AGMO: variants seen among roughly 807,000 people sequenced by gnomAD.
AGMO encodes the protein alkylglycerol monooxygenase.
In AGMO, 75 loss-of-function variants were observed where a neutral mutation model predicts 60.2. The ratio of observed to expected loss-of-function variants is 1.25; its 90% CI spans 1.03 to 1.51. The LOEUF (loss-of-function observed/expected upper bound fraction) is 1.51, where lower values mean the gene tolerates loss of function less well. Ranked by LOEUF, AGMO falls within the 40% of genes most tolerant of loss-of-function variation. The pLI is 0.00. For missense variants in AGMO, 763 were observed against 525.5 expected (o/e 1.45, Z -4.42); for synonymous variants, 261 against 177.1 (o/e 1.47, Z -3.76).
At chr7:15,492,733 C>G (rs553973488) in intron 3 of AGMO, among the ~76,000 whole-genome samples, 1 of 151,962 alleles carries the variant, frequency 6.6e-6, no homozygotes, top group African/African-American at 2.4e-5. Context: ...AGATGGTATG[C>G]AATATATCCA....
At chr7:15,387,120 T>C (rs541251244) in intron 9 of AGMO, among the ~76,000 whole-genome samples, 1 of 152,178 alleles carries the variant, frequency 6.6e-6, no homozygotes, top group Non-Finnish European at 1.5e-5. Context: ...AGTTATGCCC[T>C]ACACAAAGGC....
chr7:15,483,646 C>G (rs987985423), intron 3 of AGMO, among the ~76,000 whole-genome samples: 1 of 151,862 alleles, frequency 6.6e-6, no homozygotes, highest in Admixed American at 6.6e-5. Flanking sequence ...CATGGAAAAG[C>G]CTTTTATACA....
rs1362896586 is a variant in AGMO, at chr7:15,365,475, G to A, written c.1263+39C>T. Reference sequence around the variant, plus strand: ...AATGAATAAATTAAATGTGCGATAGGTATACGCCATCCTGTGGCTACCTAA... The same window carrying A: ...AATGAATAAATTAAATGTGCGATAGATATACGCCATCCTGTGGCTACCTAA... On this transcript the variant is annotated intron_variant, in intron 12 of 12. Transcript: ENST00000342526. 4 of 1,325,336 alleles carry A rather than the reference G, an allele frequency of 3.0e-6. No individual in the cohort carries two copies. The African/African-American group carries it at 4.5e-5, about 15-fold the overall frequency. The allele number at this position is 1,325,336 out of a possible 1,614,324, so 82.1% of individuals were successfully genotyped here.
At chr7:15,355,160 A>G (rs1333035575) in intron 12 of AGMO, among the ~76,000 whole-genome samples, 4 of 152,094 alleles carry the variant, frequency 2.6e-5, no homozygotes, top group Admixed American at 1.3e-4. Flanking sequence ...AAGAATAGAG[A>G]AAAATCATCA....
intron 3 of AGMO, among the ~76,000 whole-genome samples, chr7:15,456,296 T>G (rs772256573): frequency 1.3e-5 from 2 of 152,142 alleles, no homozygotes; most frequent in Non-Finnish European, 2.9e-5. Flanking sequence ...TAAAACTATT[T>G]TTATGTTCCT....
chr7:15,453,856 C>A (rs1781921417), intron 3 of AGMO, among the ~76,000 whole-genome samples: 1 of 151,736 alleles, frequency 6.6e-6, no homozygotes, highest in Non-Finnish European at 1.5e-5. Flanking sequence ...CACAAAGTAG[C>A]CACTCTGAGT....
chr7:15,414,847 T>C (rs968668450), intron 5 of AGMO, among the ~76,000 whole-genome samples: 2 of 152,136 alleles, frequency 1.3e-5, no homozygotes, highest in African/African-American at 4.8e-5. Context: ...TACAAACATA[T>C]GTGGTCAACT....
intron 3 of AGMO, among the ~76,000 whole-genome samples, chr7:15,530,985 T>G (rs1470364358): frequency 1.7e-5 from 1 of 59,172 alleles, no homozygotes; most frequent in Non-Finnish European, 3.1e-5. Context: ...TATATGTATA[T>G]TCTATATATA....
intron 12 of AGMO, among the ~76,000 whole-genome samples, chr7:15,364,114 A>G (rs1782870022): frequency 2.0e-5 from 3 of 152,018 alleles, no homozygotes; most frequent in Admixed American, 2.0e-4. Context: ...TTCACGGTTT[A>G]AATTCACATT....
intron 12 of AGMO, among the ~76,000 whole-genome samples, chr7:15,269,648 G>A (rs1052744535): frequency 8.5e-5 from 13 of 152,048 alleles, no homozygotes; most frequent in Admixed American, 2.0e-4. Context: ...TGGTACATGT[G>A]CAAGTTTGTT....
At chr7:15,440,715 A>T (rs1781532185) in intron 3 of AGMO, among the ~76,000 whole-genome samples, 1 of 152,200 alleles carries the variant, frequency 6.6e-6, no homozygotes, top group Non-Finnish European at 1.5e-5. Context: ...GAGCTTTATT[A>T]CATGTTGCCA....
chr7:15,132,772 A>G, the AGMO span, among the ~76,000 whole-genome samples: 4 of 152,214 alleles, frequency 2.6e-5, no homozygotes, highest in African/African-American at 4.8e-5. Flanking sequence ...TAAACCATAG[A>G]TAAATGACAA....
intron 3 of AGMO, among the ~76,000 whole-genome samples, chr7:15,436,078 A>G (rs1415354877): frequency 1.3e-5 from 2 of 152,180 alleles, no homozygotes; most frequent in Non-Finnish European, 2.9e-5. Flanking sequence ...CCCTAGTTAT[A>G]AAGGAAGAAA....
chr7:15,192,110 C>T, the AGMO span, among the ~76,000 whole-genome samples: 1 of 151,852 alleles, frequency 6.6e-6, no homozygotes, highest in Non-Finnish European at 1.5e-5. Context: ...CAAGAAATAA[C>T]AAAACCATGT....
chr7:15,328,825 G>A (rs190918923), intron 12 of AGMO, among the ~76,000 whole-genome samples: 1 of 151,984 alleles, frequency 6.6e-6, no homozygotes, highest in Non-Finnish European at 1.5e-5. Flanking sequence ...ACCTCTCTGA[G>A]GCATTTCCTT....
chr7:15,550,452 C>A (rs1784918161), intron 2 of AGMO, among the ~76,000 whole-genome samples: 1 of 152,168 alleles, frequency 6.6e-6, no homozygotes, highest in East Asian at 1.9e-4. Flanking sequence ...AGAGAAGAAT[C>A]AAATAGACAC....
intron 5 of AGMO, among the ~76,000 whole-genome samples, chr7:15,410,586 G>C (rs1780562868): frequency 6.6e-6 from 1 of 151,824 alleles, no homozygotes; most frequent in Non-Finnish European, 1.5e-5. Context: ...CAAAATGTAT[G>C]TGAATAATCA....
intron 10 of AGMO, among the ~76,000 whole-genome samples, chr7:15,384,177 T>C (rs1443022877): frequency 6.6e-6 from 1 of 152,202 alleles, no homozygotes; most frequent in Non-Finnish European, 1.5e-5. Flanking sequence ...GACCTCGTGA[T>C]CTGCCCACCT....
At chr7:15,464,866 T>C (rs1583579636) in intron 3 of AGMO, among the ~76,000 whole-genome samples, 1 of 152,274 alleles carries the variant, frequency 6.6e-6, no homozygotes, top group Middle Eastern at 3.4e-3. Context: ...AACTCTTGAA[T>C]AGGAAATAAT....
Sources: gnomAD v4.1 joint callset for allele counts (sites outside exome capture counted in the v4.1 genomes callset) on GRCh38, gnomAD v4.1.1 for gene constraint, MANE v1.5 for transcripts, NCBI Gene and HGNC (gene_info 2026-07-23, HGNC 2026-07-21) for gene names.